The following PALM2AKAP2 variants were observed in gnomAD, a reference collection of about 807,000 sequenced individuals.
PALM2AKAP2 encodes PALM2-AKAP2 fusion protein.
PALM2AKAP2 carries 37 observed loss-of-function variants against 71.5 expected under a neutral mutation model. That is an observed-to-expected ratio of 0.52 (90% confidence interval 0.40 to 0.68). The LOEUF is 0.68. PALM2AKAP2 is among the 30% of genes least tolerant of loss of function. The probability of loss-of-function intolerance (pLI) is 0.00; values close to 1 mark genes in which losing one functional copy is unlikely to be tolerated. For synonymous variants in PALM2AKAP2, 468 were observed against 478.8 expected (o/e 0.98, Z 0.29); for missense variants, 1,224 against 1,191.8 (o/e 1.03, Z -0.40).
At chr9:109,998,782 A>AAAG (rs992151546) in intron 6 of PALM2AKAP2, among the ~76,000 whole-genome samples, 7 of 144,752 alleles carry the variant, frequency 4.8e-5, no homozygotes, top group African/African-American at 1.0e-4. Context: ...AAAAAAAAAA[A>AAAG]GGGGGGATAG....
intron 1 of PALM2AKAP2, among the ~76,000 whole-genome samples, chr9:110,096,733 T>G (rs1834848729): frequency 6.6e-6 from 1 of 151,366 alleles, no homozygotes; most frequent in African/African-American, 2.4e-5. Context: ...GTGTACAGTC[T>G]AGTGGTCTTT....
chr9:109,833,400 C>G (rs888851009), intron 1 of PALM2AKAP2, among the ~76,000 whole-genome samples: 23 of 152,106 alleles, frequency 1.5e-4, no homozygotes, highest in African/African-American at 5.6e-4. Flanking sequence ...CAACCATGTG[C>G]TGTGTAGTGA....
At chr9:110,003,018 T>C (rs1477954333) in intron 6 of PALM2AKAP2, among the ~76,000 whole-genome samples, 1 of 152,264 alleles carries the variant, frequency 6.6e-6, no homozygotes, top group Non-Finnish European at 1.5e-5. Context: ...GGGTTTTTTG[T>C]GTCTCTATAT....
At chr9:110,057,655 G>A (rs899939315) in intron 1 of PALM2AKAP2, among the ~76,000 whole-genome samples, 2 of 151,992 alleles carry the variant, frequency 1.3e-5, no homozygotes, top group Non-Finnish European at 2.9e-5. Context: ...TGGGATTACA[G>A]GTGTGAGCCA....
chr9:109,923,591 G>A, intron 3 of PALM2AKAP2, 144 bp from the exon 4 acceptor site: 1 of 812,060 alleles, frequency 1.2e-6, no homozygotes, highest in East Asian at 2.9e-5. Flanking sequence ...GCTGTGTAAT[G>A]TAAAACCTTG....
intron 1 of PALM2AKAP2, among the ~76,000 whole-genome samples, chr9:109,698,432 C>A (rs1054851813): frequency 6.6e-6 from 1 of 152,132 alleles, no homozygotes; most frequent in African/African-American, 2.4e-5. Context: ...CGCATGCCAC[C>A]ACGCCTGGCT....
At chr9:109,642,519 A>G (rs940972762) in intron 1 of PALM2AKAP2, among the ~76,000 whole-genome samples, 1 of 149,928 alleles carries the variant, frequency 6.7e-6, no homozygotes, top group East Asian at 2.0e-4. Context: ...CCAACCTAAT[A>G]CTACAGTCTA....
At chr9:109,780,606 A>T in intron 1 of PALM2AKAP2, 73 bp downstream of exon 1, 2 of 1,595,348 alleles carry the variant, frequency 1.3e-6, no homozygotes, top group Non-Finnish European at 8.6e-7. Context: ...GTTTCGGGGC[A>T]AGCGGCATGC....
intron 1 of PALM2AKAP2, among the ~76,000 whole-genome samples, chr9:109,660,022 G>A (rs75447391): frequency 0.049 from 7,358 of 151,622 alleles, 287 homozygotes; most frequent in Non-Finnish European, 0.075. Flanking sequence ...TTGTAGAGAT[G>A]GTGGTCTCGC....
rs552005141 is a variant in PALM2AKAP2 at position 109,878,768 on chromosome 9, G to A, written c.127-1783G>A. On this transcript the variant is annotated intron_variant, in intron 2 of 9. Coordinates refer to the PALM2AKAP2 transcript ENST00000302798. ...TAATTTTTTTTTGAGACGGAGTTTC[G>A]CTCTTGTTGCGCAGGCTGGAGTGCA... is the stretch of plus-strand genomic sequence containing the variant. Among the ~76,000 whole-genome samples, 13 of 152,180 alleles carry A rather than the reference G, an allele frequency of 8.5e-5. No homozygotes were observed. The South Asian group carries it at 2.3e-3, about 27-fold the overall frequency.
intron 3 of PALM2AKAP2, among the ~76,000 whole-genome samples, chr9:110,166,192 A>G (rs898120522): frequency 6.6e-6 from 1 of 152,286 alleles, no homozygotes; most frequent in Middle Eastern, 3.4e-3. Context: ...CTTTACATAC[A>G]TTGCCTCATT....
At chr9:109,689,092 T>C (rs1194376167) in intron 1 of PALM2AKAP2, among the ~76,000 whole-genome samples, 1 of 152,160 alleles carries the variant, frequency 6.6e-6, no homozygotes, top group Non-Finnish European at 1.5e-5. Flanking sequence ...GGGCTAGTGG[T>C]AATAAGAAGA....
intron 1 of PALM2AKAP2, among the ~76,000 whole-genome samples, chr9:109,666,018 T>C (rs2118472859): frequency 6.6e-6 from 1 of 152,348 alleles, no homozygotes; most frequent in East Asian, 1.9e-4. Context: ...AGAATCACCT[T>C]GTCTGCCGGT....
rs147219983 is a variant in PALM2AKAP2 at position 109,664,940 on chromosome 9, C to A, written c.5+24074C>A. Among the ~76,000 whole-genome samples, 179 of 152,304 alleles carry A rather than the reference C, an allele frequency of 1.2e-3. 1 individual carries two copies. The highest frequency in any genetic ancestry group is 4.1e-3 in the African/African-American group (170 of 41,572). On this transcript the variant is annotated intron_variant, in intron 1 of 6. Transcript: ENST00000374531. The stretch of plus-strand genomic sequence containing the variant: ...CACTTCATTTCATTAATTTGATCTT[C>A]AGTCACTGATACCCTTTCTTCCACT...
At chr9:110,006,336 TTC>T (rs1832783315) in intron 6 of PALM2AKAP2, among the ~76,000 whole-genome samples, 1 of 129,874 alleles carries the variant, frequency 7.7e-6, no homozygotes, top group Non-Finnish European at 1.6e-5. Flanking sequence ...CTTTCTTTCT[TTC>T]TTTCTTTCTT....
In PALM2AKAP2 at chr9:110,136,625, A is replaced by G. The variant is rs565115211; in HGVS notation, c.655A>G (p.Arg219Gly). 1.2e-5 allele frequency: 20 copies of G among 1,614,134 alleles called. 1 individual carries two copies. The South Asian group carries it at 1.4e-4, about 12-fold the overall frequency. ...CCCTGACCCCATGGCAGAGGCAGAAAGAACAAATGGCCATTCCCCCAGCCA... is the reference window on the plus strand; with the variant it reads ...CCCTGACCCCATGGCAGAGGCAGAAGGAACAAATGGCCATTCCCCCAGCCA... The change falls in exon 2 of 4, where the codon AGA becomes GGA. Residue 219 changes from arginine to glycine, a missense_variant. Transcript: ENST00000374525.
intron 1 of PALM2AKAP2, among the ~76,000 whole-genome samples, chr9:109,791,422 A>G (rs1295428076): frequency 6.6e-6 from 1 of 152,110 alleles, no homozygotes; most frequent in East Asian, 1.9e-4. Flanking sequence ...GCCTGGGTCC[A>G]CAGAGAAAAG....
At chr9:109,746,876 A>C (rs1306712313) in intron 1 of PALM2AKAP2, among the ~76,000 whole-genome samples, 1 of 152,200 alleles carries the variant, frequency 6.6e-6, no homozygotes, top group Non-Finnish European at 1.5e-5. Flanking sequence ...GTTCAAATAC[A>C]GGCAGTCTTG....
chr9:109,748,164 GTTTTCTTTT>G lies in PALM2AKAP2; in HGVS notation c.6-32311_6-32303del, dbSNP rs1246022928. ...ACCACTTGGAATGAAGTAGAGTTGT[GTTTTCTTTT>G]TTTTCTTTTTTTAACTGTAGCAGAG... On this transcript the variant is annotated intron_variant, in intron 1 of 6. Transcript: ENST00000374531. Among the ~76,000 whole-genome samples the G allele has an allele frequency of 3.9e-5, 6 of 152,214 alleles. No individual in the cohort carries two copies. The East Asian group carries it at 7.7e-4, about 20-fold the overall frequency.
Sources: gnomAD v4.1 joint callset for allele counts (sites outside exome capture counted in the v4.1 genomes callset) on GRCh38, gnomAD v4.1.1 for gene constraint, MANE v1.5 for transcripts, NCBI Gene and HGNC (gene_info 2026-07-23, HGNC 2026-07-21) for gene names.